The following PRTG variants were observed in gnomAD, a reference collection of about 807,000 sequenced individuals.
PRTG encodes protogenin.
Under a neutral mutation model 122.5 loss-of-function variants are expected in PRTG, and 67 were observed. That is an observed-to-expected ratio of 0.55 (90% CI 0.45 to 0.67). The LOEUF is 0.67. PRTG is among the 30% of genes least tolerant of loss of function. The pLI is 0.00. For synonymous variants in PRTG, 554 were observed against 501.1 expected (o/e 1.11, Z -1.41); for missense variants, 1,435 against 1,415.4 (o/e 1.01, Z -0.22).
rs2059287827 is a variant in PRTG at position 55,641,130 on chromosome 15, C to T, written c.2120G>A (p.Ser707Asn). 2.5e-6 allele frequency: 4 copies of T among 1,613,296 alleles called. No individual in the cohort carries two copies. The African/African-American group carries it at 4.0e-5, about 16-fold the overall frequency. ...TCACTTACACACGCATCCTGGAGTG[C>T]TGACAGTCTGATCTGCCTGATAGCC... The part of the protein sequence containing the change: ...DDGYQADQTV[S>N]TPGCVSVRDR... The change falls in exon 12 of 20, where the codon AGC becomes AAC. Residue 707 changes from serine to asparagine, a missense_variant. By Grantham distance (46) the Ser-to-Asn change is conservative. Coordinates refer to ENST00000389286, the MANE Select transcript of PRTG (RefSeq NM_173814.6).
intron 2 of PRTG, among the ~76,000 whole-genome samples, chr15:55,734,608 A>G (rs1463924056): frequency 6.6e-6 from 1 of 151,440 alleles, no homozygotes; most frequent in Admixed American, 6.6e-5. Flanking sequence ...TATAACATAT[A>G]TATGTATTAT....
rs893899070 is a variant in PRTG at position 55,743,061 on chromosome 15, G to T, written c.-130C>A. 2.3e-5 allele frequency: 30 copies of T among 1,301,564 alleles called. No homozygotes were observed. In the African/African-American group the frequency reaches 4.2e-4, roughly 18 times the overall value. 80.6% of individuals were successfully genotyped at this position (1,301,564 alleles called of 1,614,324 possible). On this transcript the variant is annotated 5_prime_UTR_variant, in exon 1 of 20. Transcript: ENST00000389286. ...GGCTCCCCGCTCCGGCTCCGGCACC[G>T]GCGTGGCGAGCGTCTCTGCGGCGGC...
At position 55,715,154 on chromosome 15, in the gene PRTG, T is replaced by C. The variant is rs183207868; in HGVS notation, c.397+25228A>G. ...ATCTATTGTTTAATTAAGGCTACAATGACAGTTTATAGATTGAAACAAAAT... is the reference window on the plus strand; with the variant it reads ...ATCTATTGTTTAATTAAGGCTACAACGACAGTTTATAGATTGAAACAAAAT... On this transcript the variant is annotated intron_variant, in intron 2 of 19. Transcript: ENST00000389286. Among the ~76,000 whole-genome samples, 228 of 152,334 alleles carry C rather than the reference T, an allele frequency of 1.5e-3. 3 individuals are homozygous for C. Among genetic ancestry groups the C allele is most frequent in the African/African-American group, 5.3e-3 (220 of 41,588 alleles).
intron 2 of PRTG, among the ~76,000 whole-genome samples, chr15:55,691,176 A>G (rs541087369): frequency 6.9e-4 from 104 of 151,788 alleles, no homozygotes; most frequent in Admixed American, 2.4e-3. Flanking sequence ...GGTGCCTGTA[A>G]TCCCAGCTAC....
intron 8 of PRTG, among the ~76,000 whole-genome samples, 153 bp downstream of exon 8, chr15:55,677,644 T>C (rs549831484): frequency 6.6e-6 from 1 of 152,272 alleles, no homozygotes; most frequent in South Asian, 2.1e-4. Flanking sequence ...TAGAAAACAA[T>C]AGATACATAG....
At chr15:55,652,470 T>G (rs989358991) in intron 11 of PRTG, among the ~76,000 whole-genome samples, 1 of 152,192 alleles carries the variant, frequency 6.6e-6, no homozygotes, top group Non-Finnish European at 1.5e-5. Context: ...GCAGTCCAAC[T>G]GGAGAGCTCC....
intron 11 of PRTG, among the ~76,000 whole-genome samples, chr15:55,669,404 C>T (rs1261319974): frequency 3.3e-5 from 5 of 152,130 alleles, no homozygotes. Flanking sequence ...AACCTACTGC[C>T]CTCCAGACAC....
chr15:55,679,858 A>G (rs2141811142), intron 6 of PRTG, 196 bp downstream of exon 6: 1 of 554,338 alleles, frequency 1.8e-6, no homozygotes, highest in South Asian at 2.7e-5. Flanking sequence ...TATGCATGTA[A>G]ACAGAATGGT....
At chr15:55,718,346 T>G (rs1185948764) in intron 2 of PRTG, among the ~76,000 whole-genome samples, 1 of 152,072 alleles carries the variant, frequency 6.6e-6, no homozygotes, top group Non-Finnish European at 1.5e-5. Context: ...TAGTCTCTGT[T>G]CCCAATGAAA....
intron 2 of PRTG, among the ~76,000 whole-genome samples, chr15:55,735,030 T>G (rs2031365099): frequency 6.6e-6 from 1 of 152,202 alleles, no homozygotes; most frequent in Non-Finnish European, 1.5e-5. Flanking sequence ...ATCTTCCTTT[T>G]CCTTTCTTAT....
chr15:55,624,385 G>T lies in PRTG; in HGVS notation c.3050C>A (p.Ser1017Tyr). Residue 1017 changes from serine (S) to tyrosine (Y), a missense_variant, in exon 18 of 20, where the codon TCT (serine) becomes TAT (tyrosine). Transcript: ENST00000389286. ...GTTTGGCATGATCATTGGCATTAAAGATTCTTCATTTCCTACAGCTCCTTC... is the reference window on the plus strand; with the variant it reads ...GTTTGGCATGATCATTGGCATTAAATATTCTTCATTTCCTACAGCTCCTTC... Reference protein sequence around the residue: ...NLEGAVGNEESLMPMIMPNSF... With the variant: ...NLEGAVGNEEYLMPMIMPNSF... 1.9e-6 allele frequency: 3 copies of T among 1,614,052 alleles called. No individual in the cohort carries two copies. The highest frequency in any genetic ancestry group is 2.5e-6 in the Non-Finnish European group (3 of 1,179,978).
At chr15:55,686,987 T>C (rs1224988772) in intron 2 of PRTG, among the ~76,000 whole-genome samples, 5 of 152,204 alleles carry the variant, frequency 3.3e-5, no homozygotes, top group Non-Finnish European at 7.3e-5. Context: ...TTATAATCAC[T>C]TATTTACAAG....
At chr15:55,621,110 T>C (rs914551257) in intron 18 of PRTG, among the ~76,000 whole-genome samples, 1 of 152,098 alleles carries the variant, frequency 6.6e-6, no homozygotes, top group Admixed American at 6.5e-5. Flanking sequence ...CCCCAGCACT[T>C]TGGGAGGGCA....
intron 2 of PRTG, among the ~76,000 whole-genome samples, chr15:55,738,002 C>CTCTCTATATA (rs1248440584): frequency 5.2e-5 from 5 of 96,686 alleles, no homozygotes; most frequent in East Asian, 3.2e-4. Flanking sequence ...CTCTCTCTCT[C>CTCTCTATATA]TATATATATA....
At chr15:55,677,298 T>G (rs2141805544) in intron 8 of PRTG, among the ~76,000 whole-genome samples, 1 of 152,298 alleles carries the variant, frequency 6.6e-6, no homozygotes, top group East Asian at 1.9e-4. Context: ...TTCTATATGA[T>G]TTCAGAAAAC....
intron 2 of PRTG, among the ~76,000 whole-genome samples, chr15:55,727,611 C>T (rs189378452): frequency 6.6e-6 from 1 of 152,234 alleles, no homozygotes; most frequent in Non-Finnish European, 1.5e-5. Context: ...GCCTAGCTAA[C>T]ATGGTGAAAC....
At chr15:55,657,555 AGAGAT>A (rs1193607860) in intron 11 of PRTG, among the ~76,000 whole-genome samples, 2 of 152,226 alleles carry the variant, frequency 1.3e-5, no homozygotes, top group African/African-American at 4.8e-5. Flanking sequence ...CATGTTCCAT[AGAGAT>A]TCTTCAACTA....
rs375441817 is a variant in PRTG, at chr15:55,686,680, T to A, written c.398-2749A>T. On this transcript the variant is annotated intron_variant, in intron 2 of 19. Transcript: ENST00000389286. ...ATCATAAACCATGAATCTGTGTTGC[T>A]GCTGAATTAATTATTCCCTGTAAAA... Among the ~76,000 whole-genome samples the A allele has an allele frequency of 1.1e-4, 16 of 152,328 alleles. No homozygotes were observed. The South Asian group carries it at 1.2e-3, about 12-fold the overall frequency.
At chr15:55,642,400 C>T (rs1399735099) in intron 11 of PRTG, among the ~76,000 whole-genome samples, 3 of 151,618 alleles carry the variant, frequency 2.0e-5, no homozygotes, top group African/African-American at 4.8e-5. Flanking sequence ...GTGGGTCACC[C>T]GAGGTCGGGA....
Sources: gnomAD v4.1 joint callset for allele counts (sites outside exome capture counted in the v4.1 genomes callset) on GRCh38, gnomAD v4.1.1 for gene constraint, MANE v1.5 for transcripts, NCBI Gene and HGNC (gene_info 2026-07-23, HGNC 2026-07-21) for gene names.